ATRNL1: variants seen among roughly 807,000 people sequenced by gnomAD.
ATRNL1 encodes the protein attractin-like protein 1.
Under a neutral mutation model 182.7 loss-of-function variants are expected in ATRNL1, and 95 were observed. The ratio of observed to expected loss-of-function variants is 0.52; its 90% CI spans 0.44 to 0.62. The LOEUF (loss-of-function observed/expected upper bound fraction) is 0.62. ATRNL1 is among the 20% of genes least tolerant of loss of function. The pLI, the probability that ATRNL1 is intolerant of heterozygous loss-of-function variation, is 0.00. For synonymous variants in ATRNL1, 576 were observed against 568.3 expected, an observed-to-expected ratio of 1.01 and a Z score of -0.19; for missense variants, 1,471 against 1,679.5, an observed-to-expected ratio of 0.88 and a Z score of 2.17.
intron 24 of ATRNL1, among the ~76,000 whole-genome samples, chr10:115,503,544 T>G (rs544172730): frequency 6.6e-6 from 1 of 152,274 alleles, no homozygotes; most frequent in African/African-American, 2.4e-5. Context: ...TCATATAATT[T>G]ATTGAGTAAA....
chr10:115,530,708 A>T (rs1293476580), intron 25 of ATRNL1, among the ~76,000 whole-genome samples: 1 of 151,534 alleles, frequency 6.6e-6, no homozygotes, highest in African/African-American at 2.4e-5. Flanking sequence ...TACATGTGCC[A>T]TGCTGGTGTG....
Position 115,643,703 on chromosome 10 carries a change from A to G in ATRNL1, c.3796-83545A>G, listed in dbSNP as rs188212549. On this transcript the variant is annotated intron_variant, in intron 26 of 28. Coordinates refer to ENST00000355044, the MANE Select transcript of ATRNL1 (RefSeq NM_207303.4). ...GAATATGATGATACTCAATATCATT[A>G]GTCTTAGACAAATACAAATTAAGAA... 2.6e-5 allele frequency among the ~76,000 whole-genome samples: 4 copies of G among 152,316 alleles called. No individual in the cohort carries two copies. The East Asian group carries it at 7.7e-4, about 29-fold the overall frequency.
chr10:115,301,889 G>T lies in ATRNL1; in HGVS notation c.2664G>T (p.Lys888Asn). ...SPNQNARPCK[K>N]PCSLRTSCSN... is the part of the protein sequence containing the mutation. Reference sequence around the variant, plus strand: ...ATCAAAATGCGAGGCCGTGCAAAAAGCCATGCTCTCTGAGGACATCATGTT... The same window carrying T: ...ATCAAAATGCGAGGCCGTGCAAAAATCCATGCTCTCTGAGGACATCATGTT... The change falls in exon 17 of 29, where the codon AAG (lysine) becomes AAT (asparagine). Residue 888 changes from lysine (K) to asparagine (N), a missense_variant. Physicochemically the swap from Lys to Asn is moderately conservative, Grantham distance 94. Transcript: ENST00000355044. The T allele has an allele frequency of 1.2e-6, 2 of 1,611,106 alleles. No homozygotes were observed. Among genetic ancestry groups the T allele is most frequent in the Non-Finnish European group, 1.7e-6 (2 of 1,178,880 alleles).
chr10:115,687,380 G>A (rs972945758), intron 26 of ATRNL1, among the ~76,000 whole-genome samples: 46 of 152,092 alleles, frequency 3.0e-4, no homozygotes, highest in Non-Finnish European at 1.0e-4. Context: ...GCCCTTTTGT[G>A]TCTGGCTTAT....
intron 15 of ATRNL1, among the ~76,000 whole-genome samples, chr10:115,292,104 AATTT>A (rs1852943878): frequency 6.6e-6 from 1 of 151,780 alleles, no homozygotes; most frequent in Non-Finnish European, 1.5e-5. Flanking sequence ...TGTGTACAGA[AATTT>A]ATTCATTTCC....
chr10:115,597,384 C>A (rs1430956839), intron 26 of ATRNL1, among the ~76,000 whole-genome samples: 3 of 151,822 alleles, frequency 2.0e-5, no homozygotes, highest in Non-Finnish European at 4.4e-5. Flanking sequence ...ATCTATGTAC[C>A]TGCTTATCTA....
intron 1 of ATRNL1, among the ~76,000 whole-genome samples, chr10:115,108,782 T>A (rs184175896): frequency 2.0e-5 from 3 of 152,306 alleles, no homozygotes; most frequent in Admixed American, 1.3e-4. Context: ...TGCTTTTCAT[T>A]GAAAAGGAAA....
intron 27 of ATRNL1, among the ~76,000 whole-genome samples, chr10:115,821,324 C>G (rs1950290623): frequency 6.6e-6 from 1 of 152,046 alleles, no homozygotes; most frequent in African/African-American, 2.4e-5. Context: ...GGTTATTTTG[C>G]CCGTTAGTTG....
At chr10:115,728,758 A>G (rs1555061553) in intron 27 of ATRNL1, among the ~76,000 whole-genome samples, 1 of 152,094 alleles carries the variant, frequency 6.6e-6, no homozygotes, top group African/African-American at 2.4e-5. Context: ...ATTTTTTACT[A>G]CTCTAGATCA....
At chr10:115,261,484 A>C (rs1851389742) in intron 10 of ATRNL1, among the ~76,000 whole-genome samples, 1 of 152,112 alleles carries the variant, frequency 6.6e-6, no homozygotes, top group Non-Finnish European at 1.5e-5. Flanking sequence ...AGAAAGATGG[A>C]GTTTCAGGAG....
Position 115,093,899 on chromosome 10 carries a change from A to T in ATRNL1, c.149A>T (p.Tyr50Phe). ...NSWLLCYGFL[Y>F]LALYAQVSQS... ...TGGCTGCTGTGCTATGGCTTCCTCT[A>T]CCTGGCGCTCTACGCGCAGGTGTCC... The change falls in exon 1 of 29, where the codon TAC (tyrosine) becomes TTC (phenylalanine). Residue 50 changes from tyrosine (Y) to phenylalanine (F), a missense_variant. Around this residue, in one of 3 missense-constraint regions of ATRNL1, gnomAD observed 1,031 missense variants for 1,156.0 expected, o/e 0.89. Coordinates refer to ENST00000355044, the MANE Select transcript of ATRNL1 (RefSeq NM_207303.4). The surrounding 1 kb of genome is among the most constrained non-coding windows in gnomAD (Gnocchi z 6.1). The T allele has an allele frequency of 6.3e-7, 1 of 1,596,536 alleles. No individual in the cohort carries two copies. Among genetic ancestry groups the T allele is most frequent in the Non-Finnish European group, 8.5e-7 (1 of 1,173,516 alleles).
rs375399779 is a variant in ATRNL1 at position 115,597,704 on chromosome 10, G to A, written c.3795+48168G>A. On this transcript the variant is annotated intron_variant, in intron 26 of 28. Transcript: ENST00000355044. ...CTCCATTACAGGCGCCCACTACCACGCTCAGCTAATTTTTGTATTTTTTAG... is the reference window on the plus strand; with the variant it reads ...CTCCATTACAGGCGCCCACTACCACACTCAGCTAATTTTTGTATTTTTTAG... The A allele has an allele frequency of 1.2e-3, 531 of 446,618 alleles. 11 individuals carry two copies. The highest frequency in any genetic ancestry group is 7.9e-3 in the South Asian group (503 of 63,868). The allele number at this position is 446,618 out of a possible 1,614,324, so 27.7% of individuals were successfully genotyped here.
intron 25 of ATRNL1, among the ~76,000 whole-genome samples, chr10:115,525,729 C>T (rs1554986386): frequency 6.6e-6 from 1 of 152,132 alleles, no homozygotes; most frequent in Non-Finnish European, 1.5e-5. Context: ...CTACGAGTCA[C>T]TCTAGCAACA....
intron 26 of ATRNL1, among the ~76,000 whole-genome samples, chr10:115,661,840 A>G (rs1012842104): frequency 2.6e-5 from 4 of 152,066 alleles, no homozygotes; most frequent in African/African-American, 4.8e-5. Context: ...TTACATATGT[A>G]TACCTGTGCC....
At chr10:115,191,108 C>G (rs1398577369) in intron 8 of ATRNL1, among the ~76,000 whole-genome samples, 1 of 152,086 alleles carries the variant, frequency 6.6e-6, no homozygotes, top group South Asian at 2.1e-4. Flanking sequence ...ATTTTCTTCT[C>G]ATTCATCTGT....
chr10:115,296,838 C>T (rs1367056569), intron 15 of ATRNL1, among the ~76,000 whole-genome samples: 1 of 152,186 alleles, frequency 6.6e-6, no homozygotes, highest in Non-Finnish European at 1.5e-5. Context: ...ACATTTATTA[C>T]TTTCAGTGTA....
chr10:115,704,446 C>T (rs1006658464), intron 26 of ATRNL1, among the ~76,000 whole-genome samples: 3 of 151,704 alleles, frequency 2.0e-5, no homozygotes, highest in Non-Finnish European at 4.4e-5. Context: ...CTCTGACATA[C>T]GAGGGTTTAG....
At position 115,786,316 on chromosome 10, in the gene ATRNL1, C is replaced by T. The variant is rs191972808; in HGVS notation, c.3903+58961C>T. On this transcript the variant is annotated intron_variant, in intron 27 of 28. Transcript: ENST00000355044. ...TCCTAGGGCCACCATAACCAATTACCACAGACTAGGTGGCTTATACCAACA... is the reference window on the plus strand; with the variant it reads ...TCCTAGGGCCACCATAACCAATTACTACAGACTAGGTGGCTTATACCAACA... Among the ~76,000 whole-genome samples, 426 of 152,128 alleles carry T rather than the reference C, an allele frequency of 2.8e-3. 2 individuals are homozygous for T. The highest frequency in any genetic ancestry group is 7.2e-3 in the African/African-American group (298 of 41,494).
At chr10:115,094,095 C>G (rs1353770274) in intron 1 of ATRNL1, 52 bp downstream of exon 1, 10 of 1,312,748 alleles carry the variant, frequency 7.6e-6, no homozygotes, top group Non-Finnish European at 9.8e-6. Context: ...GCTCCCGTCG[C>G]GGCCTTCCCC....
Sources: allele counts gnomAD v4.1 joint callset (sites outside exome capture counted in the v4.1 genomes callset), GRCh38; gene constraint gnomAD v4.1.1; regional missense constraint gnomAD v4.1.1; non-coding constraint Gnocchi (gnomAD v3.1); transcripts MANE v1.5; gene names NCBI Gene and HGNC (gene_info 2026-07-23, HGNC 2026-07-21).